The following CRAMP1 variants were observed in gnomAD, a reference collection of about 807,000 sequenced individuals.
CRAMP1 encodes the protein cramped chromatin regulator 1.
A neutral mutation model predicts 115.4 loss-of-function variants in CRAMP1; 50 were observed. The ratio of observed to expected loss-of-function variants is 0.43; its 90% CI spans 0.35 to 0.55. The LOEUF (loss-of-function observed/expected upper bound fraction) is 0.55. Ranked by LOEUF, CRAMP1 falls within the 20% of genes least tolerant of loss-of-function variation. The probability of loss-of-function intolerance (pLI) is 0.01; values close to 1 mark genes in which losing one functional copy is unlikely to be tolerated. For synonymous variants in CRAMP1, 866 were observed against 745.4 expected (o/e 1.16, Z -2.64); for missense variants, 1,679 against 1,721.7 (o/e 0.98, Z 0.44).
intron 11 of CRAMP1, among the ~76,000 whole-genome samples, chr16:1,661,152 C>T (rs190809091): frequency 6.6e-6 from 1 of 152,100 alleles, no homozygotes. Context: ...CCCATCTCTA[C>T]AAAATATAAA....
At chr16:1,625,704 T>G in intron 2 of CRAMP1, 1 of 357,814 alleles carries the variant, frequency 2.8e-6, no homozygotes, top group Non-Finnish European at 5.1e-6. Context: ...GGCTGCAGCG[T>G]CATTGTGCTG....
intron 9 of CRAMP1, 124 bp downstream of exon 9, chr16:1,655,424 A>G (rs958808086): frequency 1.5e-5 from 12 of 788,108 alleles, no homozygotes; most frequent in South Asian, 4.3e-5. Context: ...ATGCTGTGAC[A>G]TGGTGTACAT....
intron 3 of CRAMP1, among the ~76,000 whole-genome samples, chr16:1,630,543 G>T (rs1407118889): frequency 6.6e-6 from 1 of 152,160 alleles, no homozygotes; most frequent in Admixed American, 6.5e-5. Context: ...CACAGCATTA[G>T]GGCAGCCGCA....
intron 5 of CRAMP1, among the ~76,000 whole-genome samples, chr16:1,640,833 G>A (rs1490966780): frequency 2.6e-5 from 4 of 152,148 alleles, no homozygotes; most frequent in Non-Finnish European, 5.9e-5. Context: ...CGGCGCTGGG[G>A]GACCTAGGAG....
chr16:1,652,303 GT>G (rs780646212), intron 6 of CRAMP1, among the ~76,000 whole-genome samples, 192 bp from the exon 7 acceptor site: 30 of 152,240 alleles, frequency 2.0e-4, no homozygotes, highest in Non-Finnish European at 2.8e-4. Context: ...GGTCAGGAAA[GT>G]AGCAGGATGT....
chr16:1,651,189 A>G (rs1486136524), intron 6 of CRAMP1, among the ~76,000 whole-genome samples: 1 of 151,644 alleles, frequency 6.6e-6, no homozygotes, highest in Non-Finnish European at 1.5e-5. Context: ...AGGTGGACTG[A>G]GGTCACACAG....
chr16:1,649,057 TA>T (rs371246325), intron 6 of CRAMP1, among the ~76,000 whole-genome samples: 584 of 140,718 alleles, frequency 4.2e-3, no homozygotes, highest in Admixed American at 4.6e-3. Flanking sequence ...AGACTCCATC[TA>T]AAAAAAAAAA....
At chr16:1,621,007 G>C (rs1031840890) in intron 2 of CRAMP1, among the ~76,000 whole-genome samples, 1 of 151,952 alleles carries the variant, frequency 6.6e-6, no homozygotes, top group African/African-American at 2.4e-5. Context: ...TACCCATTGC[G>C]AGGACAGGAA....
chr16:1,615,889 G>C (rs2036414823), intron 2 of CRAMP1, among the ~76,000 whole-genome samples: 1 of 152,144 alleles, frequency 6.6e-6, no homozygotes, highest in East Asian at 1.9e-4. Flanking sequence ...TTCCTTCCTT[G>C]GGAAATGCTC....
In CRAMP1 at chr16:1,667,983, T is replaced by C. The variant is rs1032319962; in HGVS notation, c.3124T>C (p.Ser1042Pro). ...SFQGSSVLSL[S>P]ELPKAPLQNG... ...GCAGGGCTCATCTGTTCTCTCCTTA[T>C]CTGAGCTGCCCAAGGCCCCTCTCCA... Residue 1042 changes from serine to proline, a missense_variant, in exon 18 of 21, where the codon TCT (serine) becomes CCT (proline). Around this residue, in one of 8 missense-constraint regions of CRAMP1, gnomAD observed 709 missense variants for 741.9 expected, o/e 0.96. Coordinates refer to ENST00000397412, the MANE Select transcript of CRAMP1 (RefSeq NM_020825.4). 1.2e-5 allele frequency: 20 copies of C among 1,611,750 alleles called. No homozygotes were observed. Among genetic ancestry groups the C allele is most frequent in the Non-Finnish European group, 1.5e-5 (18 of 1,178,746 alleles).
intron 8 of CRAMP1, among the ~76,000 whole-genome samples, chr16:1,654,610 G>C (rs989485854): frequency 6.6e-6 from 1 of 152,096 alleles, no homozygotes; most frequent in African/African-American, 2.4e-5. Flanking sequence ...TTTTCATGAC[G>C]CTAGAAGAGG....
At chr16:1,667,269 G>A (rs574201521) in intron 16 of CRAMP1, 66 bp from the exon 17 acceptor site, 96 of 1,310,056 alleles carry the variant, frequency 7.3e-5, no homozygotes, top group South Asian at 7.1e-4. Flanking sequence ...GAACTCTGTC[G>A]CGGGTGAGGG....
chr16:1,649,585 G>C (rs998454728), intron 6 of CRAMP1, among the ~76,000 whole-genome samples: 1 of 152,124 alleles, frequency 6.6e-6, no homozygotes, highest in African/African-American at 2.4e-5. Context: ...CGCCTCCTGG[G>C]TTCACACCAT....
chr16:1,632,177 A>C (rs1392395275), intron 3 of CRAMP1, 35 bp from the exon 4 acceptor site: 1 of 1,544,180 alleles, frequency 6.5e-7, no homozygotes, highest in African/African-American at 1.4e-5. Context: ...CATTGTTTTA[A>C]CCCCTCTACA....
In CRAMP1 at chr16:1,640,970, T is replaced by G. The variant is rs567607598; in HGVS notation, c.779-169T>G. On this transcript the variant is annotated intron_variant, in intron 5 of 20. Transcript: ENST00000397412. ...GCGACCAGGGCAGCTGACTCGAAGG[T>G]GTGACTTTGAGGGAGGGGCTGCAGC... Among the ~76,000 whole-genome samples the G allele has an allele frequency of 6.6e-5, 10 of 152,238 alleles. No homozygotes were observed. In the South Asian group the frequency reaches 1.7e-3, roughly 25 times the overall value.
In CRAMP1 at chr16:1,676,204, T is replaced by C. The variant is rs1299532142; in HGVS notation, c.*2159T>C. 2 of 152,252 alleles carry C rather than the reference T, an allele frequency of 1.3e-5. No homozygotes were observed. The highest frequency in any genetic ancestry group is 2.9e-5 in the Non-Finnish European group (2 of 68,054). The allele number at this position is 152,252 out of a possible 1,614,324, so 9.4% of individuals were successfully genotyped here. A position where few individuals can be genotyped will look rare whatever the true frequency, so the allele number is the denominator to read the frequency against. ...TCAGAGTCTGCTTTCGTAGGCTCTT[T>C]AGACAGCACCTACCACTTGGTTCTC... On this transcript the variant is annotated 3_prime_UTR_variant, in exon 21 of 21. Coordinates refer to ENST00000397412, the MANE Select transcript of CRAMP1 (RefSeq NM_020825.4).
chr16:1,647,525 G>C (rs1230370190), intron 6 of CRAMP1, among the ~76,000 whole-genome samples: 2 of 152,108 alleles, frequency 1.3e-5, no homozygotes, highest in African/African-American at 4.8e-5. Flanking sequence ...TGGATCACTT[G>C]AGGCCAGGAG....
Position 1,666,332 on chromosome 16 carries a change from T to C in CRAMP1, c.2858-90T>C. ...CCTTGGCTCTTGCATTGACATGAGG[T>C]GCGAGGGAGAAGCTGTTCCCCGAGC... On this transcript the variant is annotated intron_variant, in intron 15 of 20. Transcript: ENST00000397412. The surrounding 1 kb of genome is among the most constrained non-coding windows in gnomAD (Gnocchi z 5.0). 1 of 1,302,106 alleles carries C rather than the reference T, an allele frequency of 7.7e-7. No individual in the cohort carries two copies. The highest frequency in any genetic ancestry group is 1.1e-6 in the Non-Finnish European group (1 of 926,964). 80.7% of individuals were successfully genotyped at this position (1,302,106 alleles called of 1,614,324 possible).
intron 6 of CRAMP1, among the ~76,000 whole-genome samples, chr16:1,646,735 C>G (rs140149996): frequency 2.6e-3 from 396 of 152,324 alleles, no homozygotes; most frequent in African/African-American, 9.1e-3. Flanking sequence ...AACTCTTTGC[C>G]TAACCCAAGG....
Sources: gnomAD v4.1 joint callset for allele counts (sites outside exome capture counted in the v4.1 genomes callset) on GRCh38, gnomAD v4.1.1 for gene constraint, gnomAD v4.1.1 regional missense constraint, Gnocchi (gnomAD v3.1) non-coding constraint, MANE v1.5 for transcripts, NCBI Gene and HGNC (gene_info 2026-07-23, HGNC 2026-07-21) for gene names.